The following HSPG2 variants were observed in gnomAD, a reference collection of about 807,000 sequenced individuals.
HSPG2 encodes basement membrane-specific heparan sulfate proteoglycan core protein.
HSPG2 carries 278 observed loss-of-function variants against 526.6 expected under a neutral mutation model. The observed-to-expected ratio is 0.53, with a 90% confidence interval of 0.48 to 0.58. HSPG2 has a LOEUF of 0.58. Among genes scored for constraint, HSPG2 ranks in the 20% least tolerant of loss-of-function variants. The pLI is 0.00. For missense variants in HSPG2, 5,354 were observed against 6,099.5 expected (o/e 0.88, Z 4.07); for synonymous variants, 2,465 against 2,555.4 (o/e 0.96, Z 1.07).
chr1:21,897,874 C>G (rs1642862445), intron 1 of HSPG2, among the ~76,000 whole-genome samples: 1 of 152,020 alleles, frequency 6.6e-6, no homozygotes, highest in Admixed American at 6.6e-5. Flanking sequence ...TGTATTTATG[C>G]CTAAATAAGG....
At position 21,831,652 on chromosome 1, in the gene HSPG2, C is replaced by T. The variant is rs375928758; in HGVS notation, c.11352G>A (p.Gln3784=). 8.7e-6 allele frequency: 14 copies of T among 1,608,124 alleles called. No individual in the cohort carries two copies. Among genetic ancestry groups the T allele is most frequent in the Non-Finnish European group, 1.2e-5 (14 of 1,177,164 alleles). Residue 3784 remains glutamine (Q), a splice_region_variant and synonymous_variant, in exon 82 of 97, where the codon CAG becomes CAA. Transcript: ENST00000374695. ...GTAGCAGTATGGGGTTGGGTCTCACCTGGGAGGTCCCATTGACCGGGGCCA... is the reference window on the plus strand; with the variant it reads ...GTAGCAGTATGGGGTTGGGTCTCACTTGGGAGGTCCCATTGACCGGGGCCA... ...GDLAPVNGTS[Q]GKFQGLDLNE... is the part of the protein sequence containing the mutation.
At chr1:21,823,791 T>A in intron 95 of HSPG2, 72 bp from the exon 96 acceptor site, 1 of 1,162,684 alleles carries the variant, frequency 8.6e-7, no homozygotes, top group Non-Finnish European at 1.3e-6. Flanking sequence ...CAGAGTCCCC[T>A]CCCTCTGATA....
At chr1:21,832,918 TAAGAGACGAGAGA>T in intron 80 of HSPG2, 1 of 558,820 alleles carries the variant, frequency 1.8e-6, no homozygotes, top group Non-Finnish European at 3.2e-6. Flanking sequence ...CAGAGACCCG[TAAGAGACGAGAGA>T]AAGAGAGGAG....
intron 38 of HSPG2, 64 bp from the exon 39 acceptor site, chr1:21,861,907 T>C: frequency 1.9e-6 from 3 of 1,613,724 alleles, no homozygotes; most frequent in Non-Finnish European, 2.5e-6. Flanking sequence ...TCCCTTCACT[T>C]CTGCCCCAAA....
intron 39 of HSPG2, 27 bp from the exon 40 acceptor site, chr1:21,860,262 T>A: frequency 6.2e-7 from 1 of 1,606,992 alleles, no homozygotes; most frequent in Non-Finnish European, 8.5e-7. Context: ...GGGCCGGCAA[T>A]GTCAGGCCTC....
rs12063970 is a variant in HSPG2, at chr1:21,849,766, G to A, written c.7446+275C>T. On this transcript the variant is annotated intron_variant, in intron 57 of 96. Coordinates refer to ENST00000374695, the MANE Select transcript of HSPG2 (RefSeq NM_005529.7). ...ACGATCTCGGCTCACTGCAACCTCC[G>A]CCTCCTGGGTTCAGGCGATTCTCCT... Among the ~76,000 whole-genome samples, 5,343 of 151,310 alleles carry A rather than the reference G, an allele frequency of 0.035. 306 individuals carry two copies. Among genetic ancestry groups the A allele is most frequent in the African/African-American group, 0.12 (5,011 of 41,268 alleles).
chr1:21,897,548 T>C (rs1214494294), intron 1 of HSPG2, among the ~76,000 whole-genome samples: 1 of 152,098 alleles, frequency 6.6e-6, no homozygotes, highest in African/African-American at 2.4e-5. Context: ...CGAACTCCAA[T>C]GCATCCTCCA....
chr1:21,842,645 C>T (rs1293673769), intron 67 of HSPG2, 125 bp downstream of exon 67: 7 of 1,303,888 alleles, frequency 5.4e-6, no homozygotes, highest in African/African-American at 4.4e-5. Flanking sequence ...GAACTCGTCC[C>T]GCAAACGTAT....
rs1306890016 is a variant in HSPG2 at position 21,895,309 on chromosome 1, T to C, written c.244+613A>G. Among the ~76,000 whole-genome samples, 1 of 152,160 alleles carries C rather than the reference T, an allele frequency of 6.6e-6. No homozygotes were observed. Among genetic ancestry groups the C allele is most frequent in the Admixed American group, 6.5e-5 (1 of 15,290 alleles). On this transcript the variant is annotated intron_variant, in intron 3 of 96. Coordinates refer to ENST00000374695, the MANE Select transcript of HSPG2 (RefSeq NM_005529.7). The surrounding 1 kb of genome is among the most constrained non-coding windows in gnomAD (Gnocchi z 4.1). ...CCAGAGTGGAAGGAAGCAGGGACTATAAGTCCCCATCCCAGTGCTGGGCCA... is the reference window on the plus strand; with the variant it reads ...CCAGAGTGGAAGGAAGCAGGGACTACAAGTCCCCATCCCAGTGCTGGGCCA...
chr1:21,833,705 T>C, intron 78 of HSPG2, 91 bp from the exon 79 acceptor site: 1 of 1,584,548 alleles, frequency 6.3e-7, no homozygotes, highest in Admixed American at 1.7e-5. Flanking sequence ...CCTTCCAACA[T>C]TGAGCGTTTG....
At position 21,841,277 on chromosome 1, in the gene HSPG2, T is replaced by A; in HGVS notation, c.9337A>T (p.Thr3113Ser). The A allele has an allele frequency of 1.2e-6, 2 of 1,613,666 alleles. No individual in the cohort carries two copies. Among genetic ancestry groups the A allele is most frequent in the Non-Finnish European group, 1.7e-6 (2 of 1,179,982 alleles). ...GGGCCCTCGGGGAGCACGGACACTG[T>A]AGGGGGCCCTGTGCGGAGGAATGAC... ...VVNLSVHGPP[T>S]VSVLPEGPVW... The change falls in exon 71 of 97, where the codon ACA (threonine) becomes TCA (serine). Residue 3113 changes from threonine (T) to serine (S), a missense_variant. Coordinates refer to ENST00000374695, the MANE Select transcript of HSPG2 (RefSeq NM_005529.7).
At chr1:21,838,221 C>A (rs914037306) in intron 74 of HSPG2, among the ~76,000 whole-genome samples, 4 of 151,814 alleles carry the variant, frequency 2.6e-5, no homozygotes, top group African/African-American at 9.7e-5. Flanking sequence ...CAGCAAATGG[C>A]CAAGCTGTGC....
At chr1:21,862,153 C>T (rs1293217644) in intron 37 of HSPG2, 38 bp from the exon 38 acceptor site, 2 of 1,607,068 alleles carry the variant, frequency 1.2e-6, no homozygotes, top group Admixed American at 1.7e-5. Context: ...AGCCATTAGG[C>T]CAAATTTACC....
intron 33 of HSPG2, among the ~76,000 whole-genome samples, chr1:21,867,120 CT>C (rs3077631): frequency 1.2e-4 from 15 of 123,418 alleles, no homozygotes; most frequent in African/African-American, 4.3e-4. Context: ...TGCTCAGGCA[CT>C]TTTTTTTTTT....
rs539725547 is a variant in HSPG2 at position 21,855,632 on chromosome 1, G to A, written c.5745C>T (p.Gly1915=). ...CGACAGCTGGCAGGCGCAGGATGCCGCCGTGGATTTGTGCCTTCGCAGGGA... is the reference window on the plus strand; with the variant it reads ...CGACAGCTGGCAGGCGCAGGATGCCACCGTGGATTTGTGCCTTCGCAGGGA... ...GQLPAKAQIH[G]GILRLPAVEP... is the part of the protein sequence containing the mutation. Residue 1915 remains glycine, a synonymous_variant, in exon 46 of 97, where the codon GGC becomes GGT. Coordinates refer to ENST00000374695, the MANE Select transcript of HSPG2 (RefSeq NM_005529.7). The A allele has an allele frequency of 1.3e-4, 200 of 1,575,772 alleles. 2 individuals are homozygous for A. In the South Asian group the frequency reaches 2.0e-3, roughly 16 times the overall value.
chr1:21,914,771 G>T (rs939915135), intron 1 of HSPG2, among the ~76,000 whole-genome samples: 1 of 152,180 alleles, frequency 6.6e-6, no homozygotes, highest in Admixed American at 6.5e-5. Context: ...GATGGTGCTG[G>T]GAGGTGACCT....
At chr1:21,825,929 G>T (rs2152685658) in intron 91 of HSPG2, among the ~76,000 whole-genome samples, 1 of 151,908 alleles carries the variant, frequency 6.6e-6, no homozygotes, top group East Asian at 2.0e-4. Context: ...GGGACTACAG[G>T]TGTGCACCAC....
At chr1:21,905,272 C>T (rs912616990) in intron 1 of HSPG2, among the ~76,000 whole-genome samples, 55 of 151,868 alleles carry the variant, frequency 3.6e-4, no homozygotes, top group Admixed American at 2.6e-4. Context: ...CACACACACA[C>T]ACACACACGC....
Position 21,847,461 on chromosome 1 carries a change from AT to A in HSPG2, c.8056del (p.Met2686CysfsTer61), listed in dbSNP as rs773975885. On this transcript the variant is annotated frameshift_variant, in exon 62 of 97. Transcript: ENST00000374695. LOFTEE classifies it high-confidence loss of function. The surrounding 1 kb of genome is among the most constrained non-coding windows in gnomAD (Gnocchi z 4.1). The part of the protein sequence containing the change: ...THGSHLRLHQ[M>X]SVADSGEYVC... ...ATACTCGCCCGAGTCAGCCACAGAC[AT>A]TTGGTGCAACCGCAGGTGGGAGCCA... 6.2e-7 allele frequency: 1 copy of A among 1,613,924 alleles called. No homozygotes were observed. The highest frequency in any genetic ancestry group is 8.5e-7 in the Non-Finnish European group (1 of 1,180,024).
Sources: allele counts gnomAD v4.1 joint callset (sites outside exome capture counted in the v4.1 genomes callset), GRCh38; gene constraint gnomAD v4.1.1; non-coding constraint Gnocchi (gnomAD v3.1); transcripts MANE v1.5; gene names NCBI Gene and HGNC (gene_info 2026-07-23, HGNC 2026-07-21).